VPS13B: variants seen among roughly 807,000 people sequenced by gnomAD.
The protein encoded by VPS13B is vacuolar protein sorting 13 homolog B.
In VPS13B, 285 loss-of-function variants were observed where a neutral mutation model predicts 426.4. That is an observed-to-expected ratio of 0.67 (90% CI 0.61 to 0.74). The LOEUF is 0.74. Ranked by LOEUF, VPS13B falls within the 30% of genes least tolerant of loss-of-function variation. The pLI, the probability that VPS13B is intolerant of heterozygous loss-of-function variation, is 0.00. For missense variants in VPS13B, 4,537 were observed against 4,782.6 expected, an observed-to-expected ratio of 0.95 and a Z score of 1.51; for synonymous variants, 1,676 against 1,676.4, an observed-to-expected ratio of 1.00 and a Z score of 0.01.
intron 19 of VPS13B, among the ~76,000 whole-genome samples, chr8:99,355,267 A>G (rs1023099710): frequency 7.2e-5 from 11 of 152,124 alleles, no homozygotes; most frequent in African/African-American, 2.2e-4. Flanking sequence ...CATATTGTGA[A>G]TTAAAAATTC....
chr8:99,855,118 G>A (rs2130921119), intron 56 of VPS13B, among the ~76,000 whole-genome samples: 1 of 152,338 alleles, frequency 6.6e-6, no homozygotes, highest in South Asian at 2.1e-4. Context: ...GCTCACACCT[G>A]TAATCCCAGC....
intron 43 of VPS13B, among the ~76,000 whole-genome samples, chr8:99,794,141 AG>A (rs940420437): frequency 1.3e-5 from 2 of 152,206 alleles, no homozygotes; most frequent in African/African-American, 2.4e-5. Flanking sequence ...TCTATAACCA[AG>A]GGTTCCTTTT....
At chr8:99,511,693 C>T (rs1013754897) in intron 29 of VPS13B, among the ~76,000 whole-genome samples, 181 bp downstream of exon 29, 1 of 152,082 alleles carries the variant, frequency 6.6e-6, no homozygotes, top group African/African-American at 2.4e-5. Context: ...CATCAGAATA[C>T]TATGTAACTA....
chr8:99,260,572 T>G (rs552359668), intron 17 of VPS13B, among the ~76,000 whole-genome samples: 1 of 152,194 alleles, frequency 6.6e-6, no homozygotes, highest in South Asian at 2.1e-4. Flanking sequence ...GAACATATAT[T>G]ATATTTGAGG....
chr8:99,587,776 G>C (rs940923406), intron 33 of VPS13B, among the ~76,000 whole-genome samples: 5 of 151,724 alleles, frequency 3.3e-5, no homozygotes, highest in Admixed American at 1.3e-4. Flanking sequence ...TAGGTTGCCT[G>C]TTCACTCTGA....
chr8:99,522,691 A>G (rs1171782008), intron 30 of VPS13B, among the ~76,000 whole-genome samples: 3 of 152,160 alleles, frequency 2.0e-5, no homozygotes, highest in African/African-American at 7.2e-5. Context: ...GGTTAGCAAT[A>G]TGTGTTAGAA....
intron 39 of VPS13B, among the ~76,000 whole-genome samples, chr8:99,759,094 C>T (rs959673675): frequency 1.3e-5 from 2 of 152,100 alleles, no homozygotes; most frequent in African/African-American, 4.8e-5. Context: ...CTCTCCCATT[C>T]TCACAAGTCC....
intron 58 of VPS13B, among the ~76,000 whole-genome samples, chr8:99,862,573 A>C (rs571808932): frequency 1.3e-5 from 2 of 152,354 alleles, no homozygotes; most frequent in African/African-American, 4.8e-5. Context: ...AAAAGTTTGC[A>C]GGGCAGGATT....
rs763288266 is a variant in VPS13B, at chr8:99,661,368, C to T, written c.5923C>T (p.Leu1975=). 1.2e-6 allele frequency: 2 copies of T among 1,613,670 alleles called. No individual in the cohort carries two copies. Among genetic ancestry groups the T allele is most frequent in the Non-Finnish European group, 1.7e-6 (2 of 1,179,752 alleles). Residue 1975 remains leucine (L), a synonymous_variant, in exon 35 of 62, where the codon CTG becomes TTG. Transcript: ENST00000357162. ...TGTCACTTTAGATCCTGGGAAGACT[C>T]TGCCTGAAGCCCTTGATTATTGCAC... ...DYKCIDPGKT[L]PEALDYCTVW...
At chr8:99,221,184 A>G (rs921429127) in intron 17 of VPS13B, among the ~76,000 whole-genome samples, 2 of 137,474 alleles carry the variant, frequency 1.5e-5, no homozygotes, top group South Asian at 2.6e-4. Flanking sequence ...AATCCAGTCT[A>G]TCATTGTTGG....
intron 3 of VPS13B, among the ~76,000 whole-genome samples, chr8:99,094,437 C>T (rs1351102453): frequency 2.6e-5 from 4 of 152,092 alleles, no homozygotes; most frequent in African/African-American, 9.7e-5. Flanking sequence ...CAGAAGATGT[C>T]TTTATGAATA....
chr8:99,406,676 G>A (rs1161468584), intron 21 of VPS13B, among the ~76,000 whole-genome samples: 1 of 152,166 alleles, frequency 6.6e-6, no homozygotes, highest in Non-Finnish European at 1.5e-5. Context: ...CCTCTAGTCA[G>A]TGTTCTCCAC....
At chr8:99,159,759 A>G (rs867319017) in intron 15 of VPS13B, among the ~76,000 whole-genome samples, 5 of 152,296 alleles carry the variant, frequency 3.3e-5, no homozygotes, top group Middle Eastern at 3.4e-3. Context: ...TCCTGGGCTC[A>G]AGTGATTCTC....
intron 19 of VPS13B, among the ~76,000 whole-genome samples, chr8:99,352,183 A>G (rs1406626124): frequency 6.6e-6 from 1 of 152,186 alleles, no homozygotes; most frequent in East Asian, 1.9e-4. Context: ...CCACCTTCAT[A>G]ATTTAAAACT....
chr8:99,307,633 TTTTG>T (rs1470809948), intron 19 of VPS13B, among the ~76,000 whole-genome samples: 2 of 152,090 alleles, frequency 1.3e-5, no homozygotes, highest in South Asian at 2.1e-4. Context: ...TCATATCTGA[TTTTG>T]TTTATTTGGG....
chr8:99,245,820 A>G (rs1563623894), intron 17 of VPS13B, among the ~76,000 whole-genome samples: 1 of 152,238 alleles, frequency 6.6e-6, no homozygotes. Flanking sequence ...CTGGGATTAC[A>G]GGTGTGAGCC....
At chr8:99,714,931 A>T (rs1832852637) in intron 36 of VPS13B, among the ~76,000 whole-genome samples, 1 of 152,192 alleles carries the variant, frequency 6.6e-6, no homozygotes, top group African/African-American at 2.4e-5. Flanking sequence ...GCAAAAATTT[A>T]AAAAGATGTG....
At chr8:99,355,192 A>C in intron 19 of VPS13B, among the ~76,000 whole-genome samples, 1 of 152,188 alleles carries the variant, frequency 6.6e-6, no homozygotes, top group East Asian at 1.9e-4. Context: ...TATCTCACTT[A>C]GAGTGATTTT....
chr8:99,159,796 C>A (rs1014888781), intron 15 of VPS13B, among the ~76,000 whole-genome samples: 1 of 152,048 alleles, frequency 6.6e-6, no homozygotes, highest in Non-Finnish European at 1.5e-5. Flanking sequence ...AGTACTGGGA[C>A]CACAGGTACA....
Sources: gnomAD v4.1 joint callset for allele counts (sites outside exome capture counted in the v4.1 genomes callset) on GRCh38, gnomAD v4.1.1 for gene constraint, MANE v1.5 for transcripts, NCBI Gene and HGNC (gene_info 2026-07-23, HGNC 2026-07-21) for gene names.